Variants in ZNF469 observed in about 807,000 individuals in gnomAD.
ZNF469 encodes zinc finger protein 469.
Under a neutral mutation model 1.0 loss-of-function variants are expected in ZNF469, and 1 was observed. That is an observed-to-expected ratio of 1.00 (90% CI 0.35 to 4.73). The LOEUF is 4.73. ZNF469 is among the 30% of genes most tolerant of loss of function. The pLI, the probability that ZNF469 is intolerant of heterozygous loss-of-function variation, is 0.16. For synonymous variants in ZNF469, 2,703 were observed against 2,363.4 expected (o/e 1.14, Z -4.17); for missense variants, 6,100 against 5,356.3 (o/e 1.14, Z -4.33).
At chr16:88,174,472 G>GCCTGTCTATCTATCTATCTATCTA in the ZNF469 span, among the ~76,000 whole-genome samples, 3 of 112,558 alleles carry the variant, frequency 2.7e-5, no homozygotes, top group African/African-American at 1.1e-4. Flanking sequence ...TCGTCTGTCT[G>GCCTGTCTATCTATCTATCTATCTA]TCTGTCTATC....
chr16:88,215,986 C>G, the ZNF469 span, among the ~76,000 whole-genome samples: 1 of 152,160 alleles, frequency 6.6e-6, no homozygotes, highest in African/African-American at 2.4e-5. Context: ...TCTTTGCTTT[C>G]TATTCCATTC....
At chr16:88,239,007 C>T in the ZNF469 span, among the ~76,000 whole-genome samples, 30 of 152,324 alleles carry the variant, frequency 2.0e-4, no homozygotes, top group Admixed American at 4.6e-4. Flanking sequence ...TCACTGCCCC[C>T]TTTCTGACCT....
Position 88,436,125 on chromosome 16 carries a change from G to A in ZNF469, c.8655G>A (p.Pro2885=), listed in dbSNP as rs935255082. Reference sequence around the variant, plus strand: ...TCTACGGGAAGCGCTGTGAGAAGCCGGTGCTCCCGCTGCCAACCCAGCCCA... The same window carrying A: ...TCTACGGGAAGCGCTGTGAGAAGCCAGTGCTCCCGCTGCCAACCCAGCCCA... ...PHVYGKRCEK[P]VLPLPTQPSF... The change falls in exon 3 of 3, where the codon CCG becomes CCA. Residue 2885 remains proline (P), a synonymous_variant. Coordinates refer to ENST00000565624, the MANE Select transcript of ZNF469 (RefSeq NM_001367624.2). 16 of 1,548,234 alleles carry A rather than the reference G, an allele frequency of 1.0e-5. No individual in the cohort carries two copies. Among genetic ancestry groups the A allele is most frequent in the East Asian group, 4.9e-5 (2 of 40,924 alleles).
At chr16:88,233,539 C>T in the ZNF469 span, among the ~76,000 whole-genome samples, 2,382 of 152,282 alleles carry the variant, frequency 0.016, 52 homozygotes, top group African/African-American at 0.055. Flanking sequence ...GAGGTTTCTG[C>T]GGGAGGGAAG....
In ZNF469 at chr16:88,431,872, C is replaced by G. The variant is rs1199134149; in HGVS notation, c.4402C>G (p.Leu1468Val). The change falls in exon 3 of 3, where the codon CTC becomes GTC. Residue 1468 changes from leucine (L) to valine (V), a missense_variant. Transcript: ENST00000565624. ...GCCGGTGGACAGATTCGACCCACCC[C>G]TCTATGGCAGCCTGTCTGCGAACAG... ...DLPVDRFDPP[L>V]YGSLSANRDS... is the part of the protein sequence containing the mutation. The G allele has an allele frequency of 6.5e-7, 1 of 1,550,110 alleles. No individual in the cohort carries two copies. The highest frequency in any genetic ancestry group is 8.7e-7 in the Non-Finnish European group (1 of 1,146,846).
At chr16:88,284,610 C>CAAAAAA in the ZNF469 span, among the ~76,000 whole-genome samples, 2 of 109,436 alleles carry the variant, frequency 1.8e-5, no homozygotes, top group Non-Finnish European at 3.6e-5. Flanking sequence ...GATCCCATCT[C>CAAAAAA]AAAAAAAAAA....
the ZNF469 span, among the ~76,000 whole-genome samples, chr16:88,226,587 G>A: frequency 3.9e-5 from 6 of 152,018 alleles, no homozygotes; most frequent in Non-Finnish European, 5.9e-5. Context: ...CCTTTCTTAC[G>A]GCAGCTCAAG....
the ZNF469 span, among the ~76,000 whole-genome samples, chr16:88,256,160 A>C: frequency 6.6e-6 from 1 of 152,192 alleles, no homozygotes; most frequent in Non-Finnish European, 1.5e-5. Context: ...TTATGGTATC[A>C]TACAAAGTAG....
chr16:88,203,467 G>A, the ZNF469 span, among the ~76,000 whole-genome samples: 25 of 152,242 alleles, frequency 1.6e-4, no homozygotes, highest in East Asian at 3.9e-3. Context: ...CCGGAGCTGC[G>A]GCATCAAAAC....
Position 88,428,958 on chromosome 16 carries a change from C to T in ZNF469, c.1488C>T (p.His496=), listed in dbSNP as rs763933273. The change falls in exon 3 of 3, where the codon CAC becomes CAT. Residue 496 remains histidine (H), a synonymous_variant. Coordinates refer to ENST00000565624, the MANE Select transcript of ZNF469 (RefSeq NM_001367624.2). Reference sequence around the variant, plus strand: ...TCCCGACCGCCCGGCCAAGTCCCCACGGAATGGAGATGCTGAGCCGGCTGC... The same window carrying T: ...TCCCGACCGCCCGGCCAAGTCCCCATGGAATGGAGATGCTGAGCCGGCTGC... ...QVLPTARPSP[H]GMEMLSRLPF... 9.7e-6 allele frequency: 15 copies of T among 1,547,928 alleles called. No homozygotes were observed. In the East Asian group the frequency reaches 1.7e-4, roughly 18 times the overall value.
the ZNF469 span, among the ~76,000 whole-genome samples, chr16:88,355,205 A>G: frequency 1.6e-4 from 24 of 152,298 alleles, no homozygotes; most frequent in African/African-American, 5.5e-4. Context: ...CCCCTCCCAG[A>G]GTCCACTGTG....
chr16:88,234,605 C>T, the ZNF469 span, among the ~76,000 whole-genome samples: 1 of 152,168 alleles, frequency 6.6e-6, no homozygotes, highest in East Asian at 1.9e-4. Flanking sequence ...CTGAGGGGAC[C>T]GGTTTGGACG....
At chr16:88,124,335 C>A in the ZNF469 span, among the ~76,000 whole-genome samples, 3 of 151,920 alleles carry the variant, frequency 2.0e-5, no homozygotes, top group African/African-American at 7.3e-5. Flanking sequence ...CTGGGCTCCT[C>A]CCACCTCAGC....
chr16:88,304,579 C>A, the ZNF469 span, among the ~76,000 whole-genome samples: 2 of 152,260 alleles, frequency 1.3e-5, no homozygotes, highest in South Asian at 4.2e-4. Context: ...CAGGAATGTG[C>A]CTGTCCAGGG....
At chr16:88,153,930 G>A in the ZNF469 span, among the ~76,000 whole-genome samples, 3 of 152,292 alleles carry the variant, frequency 2.0e-5, no homozygotes, top group East Asian at 5.8e-4. Flanking sequence ...CACTCTCAAA[G>A]CCTTATTTAT....
chr16:88,316,674 G>A, the ZNF469 span, among the ~76,000 whole-genome samples: 1 of 149,352 alleles, frequency 6.7e-6, no homozygotes, highest in Non-Finnish European at 1.5e-5. Context: ...AGCCTCCCGA[G>A]TGGCTGGGAT....
the ZNF469 span, among the ~76,000 whole-genome samples, chr16:88,256,025 G>A: frequency 1.3e-5 from 2 of 152,200 alleles, no homozygotes; most frequent in Non-Finnish European, 2.9e-5. Flanking sequence ...TTGATCATGG[G>A]GAACTTTAAA....
Position 88,434,937 on chromosome 16 carries a change from G to C in ZNF469, c.7467G>C (p.Arg2489=). ...TCCGCTCCGGGCCGGGCCTGAGCCGGCACAAGGCCAGGAAGCACCGGCCAC... is the reference window on the plus strand; with the variant it reads ...TCCGCTCCGGGCCGGGCCTGAGCCGCCACAAGGCCAGGAAGCACCGGCCAC... ...ASFRSGPGLS[R]HKARKHRPHP... Residue 2489 remains arginine (R), a synonymous_variant, in exon 3 of 3, where the codon CGG becomes CGC. Transcript: ENST00000565624. 6.5e-7 allele frequency: 1 copy of C among 1,550,002 alleles called. No individual in the cohort carries two copies. The highest frequency in any genetic ancestry group is 8.7e-7 in the Non-Finnish European group (1 of 1,146,944).
intron 1 of ZNF469, among the ~76,000 whole-genome samples, chr16:88,386,123 T>C (rs2092536273): frequency 6.6e-6 from 1 of 152,142 alleles, no homozygotes; most frequent in South Asian, 2.1e-4. Context: ...CTCCCCATCT[T>C]CCCAGCGCCT....
Sources: allele counts gnomAD v4.1 joint callset (sites outside exome capture counted in the v4.1 genomes callset), GRCh38; gene constraint gnomAD v4.1.1; transcripts MANE v1.5; gene names NCBI Gene and HGNC (gene_info 2026-07-23, HGNC 2026-07-21).